The following COL9A3 variants were observed in gnomAD, a reference collection of about 807,000 sequenced individuals.
COL9A3 encodes collagen type IX alpha 3 chain, also known as collagen alpha-3(IX) chain.
A neutral mutation model predicts 110.2 loss-of-function variants in COL9A3; 82 were observed. That is an observed-to-expected ratio of 0.74 (90% CI 0.62 to 0.89). The LOEUF is 0.89. Ranked by LOEUF, COL9A3 falls within the 40% of genes least tolerant of loss-of-function variation. The probability of loss-of-function intolerance (pLI) is 0.00; values close to 1 mark genes in which losing one functional copy is unlikely to be tolerated. For synonymous variants in COL9A3, 494 were observed against 403.8 expected (o/e 1.22, Z -2.68); for missense variants, 1,066 against 981.3 (o/e 1.09, Z -1.15).
chr20:62,823,594 C>T (rs1383393933), intron 10 of COL9A3, among the ~76,000 whole-genome samples: 1 of 152,218 alleles, frequency 6.6e-6, no homozygotes, highest in Non-Finnish European at 1.5e-5. Context: ...GAATGTGGTG[C>T]GTGGTTGGGC....
In COL9A3 at chr20:62,825,089, G is replaced by A. The variant is rs904047698; in HGVS notation, c.630+68G>A. On this transcript the variant is annotated intron_variant, in intron 12 of 31. Transcript: ENST00000649368. ...AGGCTGGGCTCCGGCGGGAGGGAGG[G>A]GCTGGGCTCCGGCGGGAGGGAGGGG... 4.1e-5 allele frequency: 35 copies of A among 857,392 alleles called. 1 individual carries two copies. The African/African-American group carries it at 5.4e-4, about 13-fold the overall frequency. 53.1% of individuals were successfully genotyped at this position (857,392 alleles called of 1,614,324 possible).
At chr20:62,840,052 C>G (rs2063663733) in intron 31 of COL9A3, among the ~76,000 whole-genome samples, 1 of 151,666 alleles carries the variant, frequency 6.6e-6, no homozygotes, top group South Asian at 2.1e-4. Context: ...CGCACCATGC[C>G]CGCACCATGC....
At chr20:62,837,381 G>C in intron 30 of COL9A3, 116 bp downstream of exon 30, 1 of 1,112,922 alleles carries the variant, frequency 9.0e-7, no homozygotes, top group Non-Finnish European at 1.3e-6. Flanking sequence ...CCCCTGGAAC[G>C]TGGGGGCCTC....
chr20:62,821,299 A>C, intron 6 of COL9A3, 83 bp downstream of exon 6: 2 of 1,458,840 alleles, frequency 1.4e-6, no homozygotes, highest in Non-Finnish European at 1.9e-6. Context: ...GCCTCCAGGA[A>C]TCCCAGGGAC....
Position 62,829,799 on chromosome 20 carries a change from G to T in COL9A3, c.1141G>T (p.Ala381Ser), listed in dbSNP as rs750963827. ...TGGCATGCCTGGGGAGCGCGGTGAG[G>T]CTGGCCACCGGGGCTCAGCGGTGAG... ...DAGMPGERGE[A>S]GHRGSAGALG... is the part of the protein sequence containing the mutation. Residue 381 changes from alanine (A) to serine (S), a missense_variant, in exon 22 of 32, where the codon GCT (alanine) becomes TCT (serine). By Grantham distance (99) the Ala-to-Ser change is moderately conservative. Transcript: ENST00000649368. The T allele has an allele frequency of 1.3e-6, 2 of 1,580,482 alleles. No homozygotes were observed. Among genetic ancestry groups the T allele is most frequent in the Non-Finnish European group, 8.6e-7 (1 of 1,163,840 alleles).
chr20:62,829,465 G>A lies in COL9A3; in HGVS notation c.1019G>A (p.Gly340Glu), dbSNP rs1267125240. The A allele has an allele frequency of 6.2e-7, 1 of 1,612,696 alleles. No individual in the cohort carries two copies. The highest frequency in any genetic ancestry group is 8.5e-7 in the Non-Finnish European group (1 of 1,179,924). The part of the protein sequence containing the change: ...KGPNGLPGLP[G>E]RAGSKGEKGE... Reference sequence around the variant, plus strand: ...GCTCTCTCCTGGCAGGGCCTCCCTGGACGAGCGGGGTCCAAAGGCGAGAAG... The same window carrying A: ...GCTCTCTCCTGGCAGGGCCTCCCTGAACGAGCGGGGTCCAAAGGCGAGAAG... The change falls in exon 20 of 32, where the codon GGA becomes GAA. Residue 340 changes from glycine (G) to glutamate (E), a missense_variant. Physicochemically the swap from Gly to Glu is moderately conservative, Grantham distance 98. Coordinates refer to ENST00000649368, the MANE Select transcript of COL9A3 (RefSeq NM_001853.4).
rs2273079 is a variant in COL9A3, at chr20:62,817,617, C to T, written c.129C>T (p.Pro43=). 0.054 allele frequency: 84,062 copies of T among 1,545,136 alleles called. 5,074 individuals carry two copies. Among genetic ancestry groups the T allele is most frequent in the East Asian group, 0.34 (13,657 of 40,712 alleles). The part of the protein sequence containing the change: ...PPGPPGPPGK[P]GQDGIDGEAG... ...GCCCCCCAGGGCCGCCCGGGAAGCC[C>T]GGCCAGGACGGCATTGACGTGAGTT... is the stretch of plus-strand genomic sequence containing the variant. The change falls in exon 2 of 32, where the codon CCC becomes CCT. Residue 43 remains proline (P), a synonymous_variant. Transcript: ENST00000649368.
At position 62,829,686 on chromosome 20, in the gene COL9A3, G is replaced by C; in HGVS notation, c.1107+5G>C. ...TCTGGAGAGCCAGGCGTCCCTGTGA[G>C]TATCTGCGGCGCCCCAGACCCCTCC... On this transcript the variant is annotated splice_donor_5th_base_variant and intron_variant, in intron 21 of 31. Transcript: ENST00000649368. 1.9e-6 allele frequency: 3 copies of C among 1,607,900 alleles called. No homozygotes were observed. Among genetic ancestry groups the C allele is most frequent in the Non-Finnish European group, 2.5e-6 (3 of 1,178,062 alleles).
intron 13 of COL9A3, 100 bp downstream of exon 13, chr20:62,825,970 G>A: frequency 7.3e-7 from 1 of 1,363,778 alleles, no homozygotes; most frequent in South Asian, 1.3e-5. Flanking sequence ...GCTCCGGCTG[G>A]GGGGTGTTTG....
rs759377762 is a variant in COL9A3 at position 62,836,517 on chromosome 20, G to C, written c.1588G>C (p.Gly530Arg). 6.8e-6 allele frequency: 11 copies of C among 1,612,200 alleles called. No homozygotes were observed. Among genetic ancestry groups the C allele is most frequent in the African/African-American group, 2.7e-5 (2 of 74,918 alleles). ...CGAGCAGCGCATCAGGGAGCTGTGTGGGGGGATGATCAGCGGTAAGTCAGC... is the reference window on the plus strand; with the variant it reads ...CGAGCAGCGCATCAGGGAGCTGTGTCGGGGGATGATCAGCGGTAAGTCAGC... Reference protein sequence around the residue: ...ASEQRIRELCGGMISEQIAQL... With the variant: ...ASEQRIRELCRGMISEQIAQL... The change falls in exon 29 of 32, where the codon GGG (glycine) becomes CGG (arginine). Residue 530 changes from glycine to arginine, a missense_variant. Physicochemically the swap from Gly to Arg is moderately radical, Grantham distance 125 (BLOSUM62 -2). Coordinates refer to ENST00000649368, the MANE Select transcript of COL9A3 (RefSeq NM_001853.4).
intron 16 of COL9A3, 139 bp downstream of exon 16, chr20:62,827,433 G>T: frequency 1.2e-6 from 1 of 863,616 alleles, no homozygotes. Flanking sequence ...GTGCGTGGGG[G>T]TGAGCCTGAC....
intron 2 of COL9A3, 110 bp downstream of exon 2, chr20:62,817,745 A>C: frequency 1.3e-6 from 1 of 748,380 alleles, no homozygotes; most frequent in Admixed American, 2.8e-5. Flanking sequence ...CACCTCCCAG[A>C]GCCGGGGTGA....
intron 31 of COL9A3, among the ~76,000 whole-genome samples, 191 bp downstream of exon 31, chr20:62,838,952 C>A (rs576157579): frequency 6.6e-6 from 1 of 152,144 alleles, no homozygotes; most frequent in Non-Finnish European, 1.5e-5. Flanking sequence ...GGGCTGGGCG[C>A]GGTGGCTTAC....
intron 5 of COL9A3, 90 bp from the exon 6 acceptor site, chr20:62,821,091 T>A (rs750469764): frequency 1.5e-6 from 2 of 1,318,388 alleles, no homozygotes; most frequent in Non-Finnish European, 2.1e-6. Context: ...GTCCTGGGAG[T>A]TGGAGTTGTG....
chr20:62,841,019 T>C lies in COL9A3; in HGVS notation c.*287T>C, dbSNP rs1037187379. The stretch of plus-strand genomic sequence containing the variant: ...GTACAACTCCACGAGGTGAAAAATA[T>C]TCAGTAACTTGTTTACATAGCATTT... On this transcript the variant is annotated 3_prime_UTR_variant, in exon 32 of 32. Coordinates refer to ENST00000649368, the MANE Select transcript of COL9A3 (RefSeq NM_001853.4). 7 of 416,932 alleles carry C rather than the reference T, an allele frequency of 1.7e-5. No individual in the cohort carries two copies. Among genetic ancestry groups the C allele is most frequent in the Admixed American group, 4.0e-5 (1 of 24,992 alleles). The allele number at this position is 416,932 out of a possible 1,614,324, so 25.8% of individuals were successfully genotyped here. A position where few individuals can be genotyped will look rare whatever the true frequency, so the allele number is the denominator to read the frequency against.
intron 23 of COL9A3, 31 bp from the exon 24 acceptor site, chr20:62,830,486 G>C: frequency 6.2e-7 from 1 of 1,602,370 alleles, no homozygotes; most frequent in South Asian, 1.1e-5. Context: ...ACAGGGTATG[G>C]GCACTGACGA....
intron 11 of COL9A3, 104 bp from the exon 12 acceptor site, chr20:62,824,864 T>G (rs1033076499): frequency 1.6e-6 from 2 of 1,221,696 alleles, no homozygotes; most frequent in Admixed American, 2.0e-5. Context: ...CGCTGCCGTG[T>G]GGCGGGCCCT....
intron 22 of COL9A3, 138 bp downstream of exon 22, chr20:62,829,957 G>C: frequency 1.7e-6 from 2 of 1,198,484 alleles, no homozygotes; most frequent in Non-Finnish European, 2.3e-6. Context: ...GCCAGGAGGT[G>C]TGGGGCCCCA....
intron 5 of COL9A3, 140 bp downstream of exon 5, chr20:62,820,122 A>G: frequency 2.0e-6 from 2 of 1,005,684 alleles, no homozygotes; most frequent in South Asian, 2.7e-5. Flanking sequence ...GTGGAGGGGC[A>G]GAAGGGCAGG....
Sources: allele counts gnomAD v4.1 joint callset (sites outside exome capture counted in the v4.1 genomes callset), GRCh38; gene constraint gnomAD v4.1.1; transcripts MANE v1.5; gene names NCBI Gene and HGNC (gene_info 2026-07-23, HGNC 2026-07-21).